SREBF1: variants seen among roughly 807,000 people sequenced by gnomAD.
The protein encoded by SREBF1 is sterol regulatory element binding transcription factor 1, also known as sterol regulatory element-binding protein 1.
Under a neutral mutation model 100.1 loss-of-function variants are expected in SREBF1, and 45 were observed. That is an observed-to-expected ratio of 0.45 (90% confidence interval 0.35 to 0.58). SREBF1 has a LOEUF of 0.58. SREBF1 is among the 20% of genes least tolerant of loss of function. The pLI is 0.00. For missense variants in SREBF1, 1,324 were observed against 1,539.4 expected (o/e 0.86, Z 2.34); for synonymous variants, 657 against 681.8 (o/e 0.96, Z 0.57).
intron 16 of SREBF1, 55 bp downstream of exon 16, chr17:17,814,190 G>T: frequency 1.3e-6 from 2 of 1,550,360 alleles, no homozygotes; most frequent in East Asian, 2.3e-5. Flanking sequence ...AGAGGAACCA[G>T]GGAATGGAAA....
rs1409093658 is a variant in SREBF1 at position 17,815,934 on chromosome 17, CGGTG to C, written c.2305_2308del (p.His769ValfsTer32). On this transcript the variant is annotated frameshift_variant, in exon 12 of 19. Transcript: ENST00000261646. LOFTEE classifies it high-confidence loss of function. ...GGACCAGTCCCCATCCACGAAGAAA[CGGTG>C]GCCCACGGGGTGGCAGAGCCACTGC... 8.7e-6 allele frequency: 14 copies of C among 1,612,794 alleles called. No homozygotes were observed. The highest frequency in any genetic ancestry group is 1.2e-5 in the Non-Finnish European group (14 of 1,179,940).
intron 2 of SREBF1, 107 bp downstream of exon 2, chr17:17,819,983 G>C (rs1240593851): frequency 3.0e-6 from 4 of 1,311,870 alleles, no homozygotes; most frequent in Non-Finnish European, 4.1e-6. Context: ...TGGAGCCCCA[G>C]TTTCTAAAGC....
At chr17:17,826,959 C>T (rs1178558194) in intron 1 of SREBF1, among the ~76,000 whole-genome samples, 1 of 152,250 alleles carries the variant, frequency 6.6e-6, no homozygotes, top group Non-Finnish European at 1.5e-5. Context: ...GAACCCAGAT[C>T]CATCTCTGAC....
rs373300837 is a variant in SREBF1 at position 17,817,018 on chromosome 17, G to A, written c.1725C>T (p.His575=). Residue 575 remains histidine (H), a synonymous_variant, in exon 9 of 19, where the codon CAC becomes CAT. Coordinates refer to ENST00000261646, the MANE Select transcript of SREBF1 (RefSeq NM_004176.5). This position sits in a 1 kb window ranked among gnomAD's most constrained non-coding sequence, Gnocchi z 6.6. ...TCCAGAAGTACACGGCGGGGCCTGA[G>A]TGGGGCCGTGTGACTGGCTCACCGT... ...FVYGEPVTRP[H]SGPAVYFWRH... 1,058 of 1,613,120 alleles carry A rather than the reference G, an allele frequency of 6.6e-4. 13 individuals carry two copies. The South Asian group carries it at 0.011, about 17-fold the overall frequency.
At chr17:17,818,911 C>T in intron 5 of SREBF1, 102 bp downstream of exon 5, 2 of 1,374,586 alleles carry the variant, frequency 1.5e-6, no homozygotes, top group South Asian at 2.3e-5. Context: ...CAATTCCCTG[C>T]TTGTCCAGGC....
intron 16 of SREBF1, 122 bp from the exon 17 acceptor site, chr17:17,813,891 A>G: frequency 9.6e-7 from 1 of 1,043,870 alleles, no homozygotes; most frequent in Non-Finnish European, 1.4e-6. Flanking sequence ...CCCGCCTCAC[A>G]CACGTGCAAT....
rs1023292410 is a variant in SREBF1, at chr17:17,824,875, C to G, written c.92-4354G>C. On this transcript the variant is annotated intron_variant, in intron 1 of 18. Transcript: ENST00000261646. This position sits in a 1 kb window ranked among gnomAD's most constrained non-coding sequence, Gnocchi z 4.2. ...TCTCGCAACCTGTCCTCGCCACCGC[C>G]GTCCAGCCCAGGCCCTTATTTCCCA... 6.6e-6 allele frequency among the ~76,000 whole-genome samples: 1 copy of G among 152,186 alleles called. No homozygotes were observed. Among genetic ancestry groups the G allele is most frequent in the Non-Finnish European group, 1.5e-5 (1 of 68,036 alleles).
rs767495773 is a variant in SREBF1, at chr17:17,836,761, G to T, written c.57C>A (p.Cys19Ter). Residue 19 changes from cysteine (C) to a stop codon, truncating the protein, a stop_gained, in exon 1 of 19, where the codon TGC becomes TGA. Coordinates refer to ENST00000261646, the MANE Select transcript of SREBF1 (RefSeq NM_004176.5). LOFTEE classifies it high-confidence loss of function. The part of the protein sequence containing the change: ...AALEQALGEP[C>*]DLDAALLTDI... ...CGGTCAGCAGCGCCGCGTCCAGATC[G>T]CACGGCTCGCCCAGCGCCTGCTCCA... 6.4e-7 allele frequency: 1 copy of T among 1,571,874 alleles called. No homozygotes were observed. Among genetic ancestry groups the T allele is most frequent in the Non-Finnish European group, 8.6e-7 (1 of 1,166,814 alleles).
chr17:17,815,581 T>C (rs2033471712), intron 12 of SREBF1: 1 of 595,582 alleles, frequency 1.7e-6, no homozygotes. Context: ...CTTGAGAAGA[T>C]GCCATTGTTG....
chr17:17,813,271 G>A (rs1397017556), intron 18 of SREBF1, 97 bp downstream of exon 18: 13 of 1,270,506 alleles, frequency 1.0e-5, no homozygotes, highest in Middle Eastern at 2.5e-4. Flanking sequence ...TGTCTGTCCC[G>A]TCTGACACAC....
At position 17,813,789 on chromosome 17, in the gene SREBF1, C is replaced by T; in HGVS notation, c.2902-20G>A. 1.3e-6 allele frequency: 2 copies of T among 1,534,724 alleles called. No homozygotes were observed. Among genetic ancestry groups the T allele is most frequent in the South Asian group, 1.2e-5 (1 of 83,984 alleles). Reference sequence around the variant, plus strand: ...CACGGCCTGGGGGTGGCAGGCAGGGCAGGGGTCACCAGGGCTCCAGCTCTG... The same window carrying T: ...CACGGCCTGGGGGTGGCAGGCAGGGTAGGGGTCACCAGGGCTCCAGCTCTG... On this transcript the variant is annotated intron_variant, in intron 16 of 18. Coordinates refer to ENST00000261646, the MANE Select transcript of SREBF1 (RefSeq NM_004176.5).
chr17:17,813,711 T>TGCC lies in SREBF1; in HGVS notation c.2957_2959dup (p.Arg986dup). 1 of 1,536,744 alleles carries TGCC rather than the reference T, an allele frequency of 6.5e-7. No homozygotes were observed. Among genetic ancestry groups the TGCC allele is most frequent in the Non-Finnish European group, 8.7e-7 (1 of 1,147,446 alleles). On this transcript the variant is annotated inframe_insertion, in exon 17 of 19. Transcript: ENST00000261646. The stretch of plus-strand genomic sequence containing the variant: ...TGGGGCCGGGGCCGGGGGCTGCTGC[T>TGCC]GCCGCCACAGGCTGGTGCGCACCAC...
intron 1 of SREBF1, chr17:17,823,476 A>T: frequency 1.5e-6 from 2 of 1,366,374 alleles, no homozygotes; most frequent in Non-Finnish European, 2.1e-6. Context: ...CAGGAGACGG[A>T]GGCATTGTAT....
rs1018472301 is a variant in SREBF1, at chr17:17,816,902, C to T, written c.1785+56G>A. 5.6e-6 allele frequency: 9 copies of T among 1,609,140 alleles called. No individual in the cohort carries two copies. The African/African-American group carries it at 8.0e-5, about 14-fold the overall frequency. Reference sequence around the variant, plus strand: ...AGCAGGAACAAGGGTTGACACCCAGCACCTTCACAGCCTGGGGTCCCTGCC... The same window carrying T: ...AGCAGGAACAAGGGTTGACACCCAGTACCTTCACAGCCTGGGGTCCCTGCC... On this transcript the variant is annotated intron_variant, in intron 9 of 18. Transcript: ENST00000261646.
intron 12 of SREBF1, 98 bp from the exon 13 acceptor site, chr17:17,815,427 G>A (rs1183573384): frequency 3.0e-6 from 3 of 990,956 alleles, no homozygotes; most frequent in Non-Finnish European, 4.7e-6. Context: ...CACACCTAGG[G>A]CCACTGGGAA....
At position 17,823,567 on chromosome 17, in the gene SREBF1, G is replaced by A. The variant is rs753184138; in HGVS notation, c.92-3046C>T. 3 of 1,613,440 alleles carry A rather than the reference G, an allele frequency of 1.9e-6. No homozygotes were observed. In the South Asian group the frequency reaches 3.3e-5, roughly 18 times the overall value. ...CGCGATCTGCGCCCGCCCTTGGGGC[G>A]TCCAGGCCGTTGGCCCTACCCCTCC... On this transcript the variant is annotated intron_variant, in intron 1 of 18. Transcript: ENST00000261646.
At chr17:17,829,238 A>ATGTATG (rs1236815823) in intron 1 of SREBF1, among the ~76,000 whole-genome samples, 1 of 133,762 alleles carries the variant, frequency 7.5e-6, no homozygotes, top group African/African-American at 3.5e-5. Flanking sequence ...ATATATATGT[A>ATGTATG]TACACACACA....
At chr17:17,827,638 G>A (rs558212189) in intron 1 of SREBF1, among the ~76,000 whole-genome samples, 1 of 152,296 alleles carries the variant, frequency 6.6e-6, no homozygotes, top group Non-Finnish European at 1.5e-5. Flanking sequence ...CGCACCCATG[G>A]CTGGAGCCCC....
Position 17,819,251 on chromosome 17 carries a change from A to G in SREBF1, c.847-17T>C. On this transcript the variant is annotated splice_polypyrimidine_tract_variant and intron_variant, in intron 4 of 18. Coordinates refer to ENST00000261646, the MANE Select transcript of SREBF1 (RefSeq NM_004176.5). Reference sequence around the variant, plus strand: ...CACCAGGGTCTGCAGGGCCAGGCACATGTTACCAGGTGGGCATGTGTGTGT... The same window carrying G: ...CACCAGGGTCTGCAGGGCCAGGCACGTGTTACCAGGTGGGCATGTGTGTGT... The G allele has an allele frequency of 6.2e-7, 1 of 1,613,858 alleles. No homozygotes were observed. Among genetic ancestry groups the G allele is most frequent in the Non-Finnish European group, 8.5e-7 (1 of 1,180,018 alleles).
Sources: gnomAD v4.1 joint callset for allele counts (sites outside exome capture counted in the v4.1 genomes callset) on GRCh38, gnomAD v4.1.1 for gene constraint, Gnocchi (gnomAD v3.1) non-coding constraint, MANE v1.5 for transcripts, NCBI Gene and HGNC (gene_info 2026-07-23, HGNC 2026-07-21) for gene names.